The following HOMER1 variants were observed in gnomAD, a reference collection of about 807,000 sequenced individuals.
HOMER1 encodes the protein homer protein homolog 1.
Under a neutral mutation model 48.9 loss-of-function variants are expected in HOMER1, and 3 were observed. The ratio of observed to expected loss-of-function variants is 0.06; its 90% confidence interval spans 0.03 to 0.16. The LOEUF is 0.16. HOMER1 is among the 10% of genes least tolerant of loss of function. The probability of loss-of-function intolerance (pLI) is 1.00; values close to 1 mark genes in which losing one functional copy is unlikely to be tolerated. For missense variants in HOMER1, 247 were observed against 411.4 expected, an observed-to-expected ratio of 0.60 and a Z score of 3.46; for synonymous variants, 134 against 146.4, an observed-to-expected ratio of 0.92 and a Z score of 0.61.
At position 79,373,080 on chromosome 5, in the gene HOMER1, AT is replaced by A. The variant is rs1035073605; in HGVS notation, c.*2928del. 3 of 152,080 alleles carry A rather than the reference AT, an allele frequency of 2.0e-5. No individual in the cohort carries two copies. Among genetic ancestry groups the A allele is most frequent in the Non-Finnish European group, 4.4e-5 (3 of 67,976 alleles). 9.4% of individuals were successfully genotyped at this position (152,080 alleles called of 1,614,324 possible). The stretch of plus-strand genomic sequence containing the variant: ...GAGAGAGAGAGGAGAACAAAAACTA[AT>A]TTTCCAGGCAGGGGAATACTTATAA... On this transcript the variant is annotated 3_prime_UTR_variant, in exon 9 of 9. Transcript: ENST00000334082.
At chr5:79,428,456 A>T (rs1039165385) in intron 5 of HOMER1, among the ~76,000 whole-genome samples, 3 of 151,924 alleles carry the variant, frequency 2.0e-5, no homozygotes, top group Admixed American at 6.6e-5. Context: ...CAATGAGTTT[A>T]AAAAAAAGAA....
intron 5 of HOMER1, among the ~76,000 whole-genome samples, chr5:79,410,508 G>T (rs912296437): frequency 1.5e-5 from 2 of 133,984 alleles, no homozygotes; most frequent in Non-Finnish European, 3.2e-5. Context: ...AAAAAAAAAA[G>T]AAAAAAGAAA....
At position 79,510,827 on chromosome 5, in the gene HOMER1, C is replaced by G. The variant is rs565899383; in HGVS notation, c.5+1943G>C. ...GACAAGGATCAAACCAAGGCCCAGG[C>G]TGCAGCTCCAGCTTCAGTTCCAGCT... On this transcript the variant is annotated intron_variant, in intron 1 of 8. Coordinates refer to ENST00000334082, the MANE Select transcript of HOMER1 (RefSeq NM_004272.5). 1.1e-5 allele frequency: 8 copies of G among 732,200 alleles called. No homozygotes were observed. The African/African-American group carries it at 1.4e-4, about 13-fold the overall frequency. 45.4% of individuals were successfully genotyped at this position (732,200 alleles called of 1,614,324 possible). A position where few individuals can be genotyped will look rare whatever the true frequency, so the allele number is the denominator to read the frequency against.
At chr5:79,482,213 C>T (rs12513745) in intron 1 of HOMER1, among the ~76,000 whole-genome samples, 28,728 of 151,990 alleles carry the variant, frequency 0.19, 2,943 homozygotes, top group Admixed American at 0.3. Context: ...GAGTGACACC[C>T]TGTCTCAAAA....
chr5:79,510,276 T>C (rs906155092), intron 1 of HOMER1, among the ~76,000 whole-genome samples: 2 of 152,232 alleles, frequency 1.3e-5, no homozygotes, highest in Non-Finnish European at 2.9e-5. Flanking sequence ...AAAGGGCAGA[T>C]ACATTCATTT....
intron 1 of HOMER1, among the ~76,000 whole-genome samples, chr5:79,483,047 C>A (rs1444551630): frequency 6.6e-6 from 1 of 151,940 alleles, no homozygotes; most frequent in Non-Finnish European, 1.5e-5. Flanking sequence ...ATGTCCAAAT[C>A]TGATACTACT....
chr5:79,467,498 T>C (rs1369722835), intron 1 of HOMER1, among the ~76,000 whole-genome samples: 2 of 151,982 alleles, frequency 1.3e-5, no homozygotes, highest in Non-Finnish European at 2.9e-5. Context: ...CTTTTCTACT[T>C]GCTACAAACT....
intron 6 of HOMER1, among the ~76,000 whole-genome samples, chr5:79,400,739 CTTCT>C (rs201082305): frequency 2.0e-4 from 24 of 117,816 alleles, no homozygotes; most frequent in African/African-American, 7.1e-4. Flanking sequence ...AAAAAAACTT[CTTCT>C]TTTTTTTTTT....
At chr5:79,483,543 T>G (rs181304827) in intron 1 of HOMER1, among the ~76,000 whole-genome samples, 60 of 151,932 alleles carry the variant, frequency 3.9e-4, no homozygotes, top group African/African-American at 1.4e-3. Flanking sequence ...AAAGATTTTC[T>G]CAGACATACA....
chr5:79,438,990 T>A lies in HOMER1; in HGVS notation c.527+20A>T, dbSNP rs1472986833. On this transcript the variant is annotated intron_variant, in intron 5 of 8. Coordinates refer to ENST00000334082, the MANE Select transcript of HOMER1 (RefSeq NM_004272.5). ...TATTTACACATTTACTTAATCATAA[T>A]TGCTGAATTGAATCTGTACCTATGT... 6.2e-7 allele frequency: 1 copy of A among 1,607,044 alleles called. No individual in the cohort carries two copies. Among genetic ancestry groups the A allele is most frequent in the Non-Finnish European group, 8.5e-7 (1 of 1,174,230 alleles).
At chr5:79,387,075 ATCTCTC>A (rs111457551) in intron 8 of HOMER1, among the ~76,000 whole-genome samples, 1,408 of 113,706 alleles carry the variant, frequency 0.012, 17 homozygotes, top group African/African-American at 0.038. Flanking sequence ...TTCTTTCTCT[ATCTCTC>A]TCTCTCTCTC....
intron 1 of HOMER1, among the ~76,000 whole-genome samples, chr5:79,478,005 T>G (rs1751832431): frequency 6.6e-6 from 1 of 152,174 alleles, no homozygotes; most frequent in East Asian, 1.9e-4. Flanking sequence ...TAAGTTATTA[T>G]TTTCAGTTTT....
chr5:79,430,929 TAAAAATAAAAA>T (rs1407350470), intron 5 of HOMER1, among the ~76,000 whole-genome samples: 12 of 146,236 alleles, frequency 8.2e-5, no homozygotes, highest in African/African-American at 3.1e-4. Flanking sequence ...CTCAAAAAAA[TAAAAATAAAAA>T]AAAAATAAAT....
intron 5 of HOMER1, among the ~76,000 whole-genome samples, chr5:79,411,266 C>CT (rs1749807836): frequency 2.6e-5 from 4 of 152,248 alleles, no homozygotes; most frequent in African/African-American, 9.6e-5. Context: ...GGGCAGATCG[C>CT]TTGAGCTCAG....
At chr5:79,453,394 T>C (rs1160059798) in intron 2 of HOMER1, among the ~76,000 whole-genome samples, 1 of 152,196 alleles carries the variant, frequency 6.6e-6, no homozygotes, top group East Asian at 1.9e-4. Context: ...ATTTTAACTA[T>C]TTCAAATTAA....
intron 1 of HOMER1, among the ~76,000 whole-genome samples, chr5:79,490,625 A>C (rs1406309718): frequency 6.6e-6 from 1 of 152,094 alleles, no homozygotes; most frequent in Non-Finnish European, 1.5e-5. Flanking sequence ...GAATCAATGA[A>C]GTCAGAACAT....
At chr5:79,419,512 TG>T (rs1394537264) in intron 5 of HOMER1, among the ~76,000 whole-genome samples, 1 of 151,934 alleles carries the variant, frequency 6.6e-6, no homozygotes, top group Non-Finnish European at 1.5e-5. Flanking sequence ...TTGTGGTAAG[TG>T]GTATTTTCCC....
At chr5:79,396,329 T>C (rs1169994979) in intron 8 of HOMER1, among the ~76,000 whole-genome samples, 1 of 151,962 alleles carries the variant, frequency 6.6e-6, no homozygotes, top group Non-Finnish European at 1.5e-5. Context: ...TGTTCCCAAA[T>C]TGAATGAAAT....
chr5:79,508,199 G>C (rs146787777), intron 1 of HOMER1, among the ~76,000 whole-genome samples: 1 of 152,322 alleles, frequency 6.6e-6, no homozygotes, highest in East Asian at 1.9e-4. Context: ...ACACAGAAGA[G>C]AAGTGCTTTT....
Sources: gnomAD v4.1 joint callset for allele counts (sites outside exome capture counted in the v4.1 genomes callset) on GRCh38, gnomAD v4.1.1 for gene constraint, MANE v1.5 for transcripts, NCBI Gene and HGNC (gene_info 2026-07-23, HGNC 2026-07-21) for gene names.